The following LCN8 variants were observed in gnomAD, a reference collection of about 807,000 sequenced individuals.
LCN8 encodes lipocalin 8, also known as epididymal-specific lipocalin-8.
A neutral mutation model predicts 22.8 loss-of-function variants in LCN8; 16 were observed. The ratio of observed to expected loss-of-function variants is 0.70; its 90% CI spans 0.47 to 1.06. LCN8 has a LOEUF of 1.06. LCN8 is among the 50% of genes least tolerant of loss of function. The pLI is 0.00. For missense variants in LCN8, 189 were observed against 203.3 expected (o/e 0.93, Z 0.43); for synonymous variants, 92 against 83.4 (o/e 1.10, Z -0.56).
chr9:136,754,770 C>A, intron 6 of LCN8: 3 of 1,377,224 alleles, frequency 2.2e-6, no homozygotes, highest in Non-Finnish European at 2.8e-6. Context: ...AGGATCTGTG[C>A]CCCGCCGCCG....
At chr9:136,756,396 G>A (rs1252957873) in intron 3 of LCN8, 126 bp downstream of exon 3, 13 of 1,603,038 alleles carry the variant, frequency 8.1e-6, no homozygotes, top group Non-Finnish European at 1.1e-5. Context: ...ACAGTGCAGG[G>A]AACAGCACAG....
intron 2 of LCN8, among the ~76,000 whole-genome samples, 184 bp downstream of exon 2, chr9:136,756,854 T>G (rs1176684940): frequency 3.3e-5 from 5 of 152,188 alleles, no homozygotes; most frequent in African/African-American, 1.2e-4. Context: ...ATGCTTATAT[T>G]TGGGATAAAA....
intron 6 of LCN8, 40 bp downstream of exon 6, chr9:136,755,094 CG>C: frequency 6.7e-7 from 1 of 1,484,594 alleles, no homozygotes. Flanking sequence ...GCCAGGGGCC[CG>C]GGAACTTCAG....
chr9:136,755,719 A>G, intron 3 of LCN8: 1 of 1,519,606 alleles, frequency 6.6e-7, no homozygotes, highest in East Asian at 2.5e-5. Flanking sequence ...TGCAGGGAAC[A>G]GCATGGGGAA....
At chr9:136,757,492 C>T in intron 1 of LCN8, 2 of 1,352,394 alleles carry the variant, frequency 1.5e-6, no homozygotes, top group African/African-American at 1.5e-5. Context: ...GAGGCAGGAC[C>T]CAGGAGCAGA....
chr9:136,756,658 C>T lies in LCN8; in HGVS notation c.156-66G>A, dbSNP rs573387899. 182 of 1,587,606 alleles carry T rather than the reference C, an allele frequency of 1.1e-4. 1 individual carries two copies. Among genetic ancestry groups the T allele is most frequent in the South Asian group, 5.2e-4 (45 of 86,930 alleles). On this transcript the variant is annotated intron_variant, in intron 2 of 6. Transcript: ENST00000371688. ...GTGTCCCGCCTGCTGGGCTCCTTCC[C>T]GGAGTGGGGCTGTGTCTTTAGGAAG...
At chr9:136,755,555 G>C in intron 3 of LCN8, 39 bp from the exon 4 acceptor site, 1 of 1,590,304 alleles carries the variant, frequency 6.3e-7, no homozygotes, top group Non-Finnish European at 8.5e-7. Flanking sequence ...AGACGTCTGA[G>C]GGGGACGGAC....
In LCN8 at chr9:136,754,557, C is replaced by G. The variant is rs764021162; in HGVS notation, c.448-48G>C. ...CTCAGGCCCGTGTGGTCTCTGGAGG[C>G]CCCACGGGGCTTCGATGAGGGCCAC... On this transcript the variant is annotated intron_variant, in intron 6 of 6. Coordinates refer to ENST00000371688, the MANE Select transcript of LCN8 (RefSeq NM_178469.4). The G allele has an allele frequency of 1.7e-5, 27 of 1,543,480 alleles. No individual in the cohort carries two copies. In the African/African-American group the frequency reaches 3.3e-4, roughly 19 times the overall value.
chr9:136,755,133 ACCT>A lies in LCN8; in HGVS notation c.446_447+1del. On this transcript the variant is annotated splice_donor_variant and coding_sequence_variant, in exon 6 of 7. Coordinates refer to ENST00000371688, the MANE Select transcript of LCN8 (RefSeq NM_178469.4). LOFTEE classifies it high-confidence loss of function. Reference sequence around the variant, plus strand: ...CAGGCCAGGGTCGGGGGTCAGGCTCACCTCCTTCAGGAGCTCGGCACACCGCCC... The same window carrying A: ...CAGGCCAGGGTCGGGGGTCAGGCTCACCTTCAGGAGCTCGGCACACCGCCC... 6.4e-7 allele frequency: 1 copy of A among 1,573,748 alleles called. No homozygotes were observed. The highest frequency in any genetic ancestry group is 8.6e-7 in the Non-Finnish European group (1 of 1,158,730).
At position 136,758,236 on chromosome 9, in the gene LCN8, T is replaced by G; in HGVS notation, c.-306A>C. ...CACCCTCCTGGCATATGGACAGCGGTGGACGCTGCTGGGGCCGTCTCGGAG... is the reference window on the plus strand; with the variant it reads ...CACCCTCCTGGCATATGGACAGCGGGGGACGCTGCTGGGGCCGTCTCGGAG... On this transcript the variant is annotated 5_prime_UTR_variant, in exon 1 of 7. Coordinates refer to ENST00000371688, the MANE Select transcript of LCN8 (RefSeq NM_178469.4). 1 of 1,310,678 alleles carries G rather than the reference T, an allele frequency of 7.6e-7. No individual in the cohort carries two copies. The highest frequency in any genetic ancestry group is 9.8e-7 in the Non-Finnish European group (1 of 1,024,976). The allele number at this position is 1,310,678 out of a possible 1,614,324, so 81.2% of individuals were successfully genotyped here.
chr9:136,758,082 G>A lies in LCN8; in HGVS notation c.-152C>T, dbSNP rs1001904860. 3 of 1,488,128 alleles carry A rather than the reference G, an allele frequency of 2.0e-6. No homozygotes were observed. The highest frequency in any genetic ancestry group is 1.3e-5 in the South Asian group (1 of 78,656). 92.2% of individuals were successfully genotyped at this position (1,488,128 alleles called of 1,614,324 possible). On this transcript the variant is annotated 5_prime_UTR_variant, in exon 1 of 7. Transcript: ENST00000371688. ...CAGTGCAGGCTTGTGCGCCCACCCG[G>A]GAATGTCATCAGGACAGCTTGGCTG...
At position 136,755,173 on chromosome 9, in the gene LCN8, C is replaced by T. The variant is rs758573129; in HGVS notation, c.422-13G>A. 2 of 1,603,538 alleles carry T rather than the reference C, an allele frequency of 1.2e-6. No individual in the cohort carries two copies. The highest frequency in any genetic ancestry group is 2.2e-5 in the South Asian group (2 of 89,930). On this transcript the variant is annotated splice_polypyrimidine_tract_variant and intron_variant, in intron 5 of 6. Coordinates refer to ENST00000371688, the MANE Select transcript of LCN8 (RefSeq NM_178469.4). ...TCGGCACACCGCCCTGCAGGATAGGCCAGCATGAGGAGCTGCAGAGTCAGC... is the reference window on the plus strand; with the variant it reads ...TCGGCACACCGCCCTGCAGGATAGGTCAGCATGAGGAGCTGCAGAGTCAGC...
Position 136,757,178 on chromosome 9 carries a change from T to C in LCN8, c.25-10A>G, listed in dbSNP as rs777737186. ...TCCAGAATCCTCCAATCTAGAGAGA[T>C]ACGGAGCCTGGCCAAGAGCTGAGCA... On this transcript the variant is annotated splice_polypyrimidine_tract_variant and intron_variant, in intron 1 of 6. Transcript: ENST00000371688. 1 of 1,610,334 alleles carries C rather than the reference T, an allele frequency of 6.2e-7. No homozygotes were observed. Among genetic ancestry groups the C allele is most frequent in the Non-Finnish European group, 8.5e-7 (1 of 1,178,422 alleles).
intron 6 of LCN8, chr9:136,754,876 C>T: frequency 7.3e-7 from 1 of 1,365,528 alleles, no homozygotes; most frequent in Non-Finnish European, 9.4e-7. Flanking sequence ...AGCTCTGCAC[C>T]CCGTGACCCC....
chr9:136,756,764 G>T (rs113173469), intron 2 of LCN8, among the ~76,000 whole-genome samples, 172 bp from the exon 3 acceptor site: 2,950 of 152,314 alleles, frequency 0.019, 113 homozygotes, highest in African/African-American at 0.067. Context: ...TTCCCCTGGG[G>T]ATTCTGTTCC....
intron 6 of LCN8, chr9:136,754,736 T>C (rs1464205968): frequency 2.1e-6 from 3 of 1,395,982 alleles, no homozygotes; most frequent in South Asian, 3.3e-5. Context: ...GTGCCCAACA[T>C]GGGAGCCCTG....
At position 136,758,177 on chromosome 9, in the gene LCN8, G is replaced by T; in HGVS notation, c.-247C>A. On this transcript the variant is annotated 5_prime_UTR_variant, in exon 1 of 7. Transcript: ENST00000371688. Reference sequence around the variant, plus strand: ...CTGGTGACACCCACGCCCACCGCAGGGGTTAGCCTGGCCTAGACAGCAGCC... The same window carrying T: ...CTGGTGACACCCACGCCCACCGCAGTGGTTAGCCTGGCCTAGACAGCAGCC... The T allele has an allele frequency of 7.0e-7, 1 of 1,419,984 alleles. No individual in the cohort carries two copies. Among genetic ancestry groups the T allele is most frequent in the Non-Finnish European group, 9.2e-7 (1 of 1,087,388 alleles). The allele number at this position is 1,419,984 out of a possible 1,614,324, so 88.0% of individuals were successfully genotyped here.
chr9:136,754,977 C>A, intron 6 of LCN8, 158 bp downstream of exon 6: 1 of 1,409,214 alleles, frequency 7.1e-7, no homozygotes, highest in East Asian at 2.6e-5. Flanking sequence ...ATCTCTGGAG[C>A]TGCCCACCAG....
chr9:136,754,892 C>T, intron 6 of LCN8: 1 of 1,367,100 alleles, frequency 7.3e-7, no homozygotes, highest in Non-Finnish European at 9.4e-7. Flanking sequence ...ACCCCAGCCT[C>T]CCAGGGTCCC....
Sources: gnomAD v4.1 joint callset for allele counts (sites outside exome capture counted in the v4.1 genomes callset) on GRCh38, gnomAD v4.1.1 for gene constraint, MANE v1.5 for transcripts, NCBI Gene and HGNC (gene_info 2026-07-23, HGNC 2026-07-21) for gene names.